RANBP2: variants seen among roughly 807,000 people sequenced by gnomAD.
RANBP2 encodes the protein RAN binding protein 2.
In RANBP2, 57 loss-of-function variants were observed where a neutral mutation model predicts 303.6. The ratio of observed to expected loss-of-function variants is 0.19; its 90% confidence interval spans 0.15 to 0.23. RANBP2 has a LOEUF of 0.23. Ranked by LOEUF, RANBP2 falls within the 10% of genes least tolerant of loss-of-function variation. The pLI, the probability that RANBP2 is intolerant of heterozygous loss-of-function variation, is 1.00. For synonymous variants in RANBP2, 1,167 were observed against 1,301.5 expected (o/e 0.90, Z 2.23); for missense variants, 3,138 against 3,780.8 (o/e 0.83, Z 4.46).
chr2:109,592,234 G>A, the RANBP2 span, among the ~76,000 whole-genome samples: 6 of 151,768 alleles, frequency 4.0e-5, no homozygotes, highest in Non-Finnish European at 5.9e-5. Flanking sequence ...GGAGGCTGAG[G>A]GAGGCAAATC....
the RANBP2 span, among the ~76,000 whole-genome samples, chr2:109,169,696 C>T: frequency 6.6e-6 from 1 of 151,700 alleles, no homozygotes; most frequent in Non-Finnish European, 1.5e-5. Flanking sequence ...TTGGCTATAT[C>T]TCTCTCTCTA....
chr2:109,256,465 C>G, the RANBP2 span, among the ~76,000 whole-genome samples: 1 of 150,638 alleles, frequency 6.6e-6, no homozygotes, highest in Non-Finnish European at 1.5e-5. Flanking sequence ...CGAGTGCTCT[C>G]TCATGGAAAC....
At chr2:108,915,143 A>T in the RANBP2 span, among the ~76,000 whole-genome samples, 11 of 152,284 alleles carry the variant, frequency 7.2e-5, no homozygotes, top group East Asian at 2.1e-3. Context: ...ACCTCAAGTG[A>T]TCCACCTGCC....
chr2:109,034,197 G>A, the RANBP2 span, among the ~76,000 whole-genome samples: 5 of 150,006 alleles, frequency 3.3e-5, no homozygotes, highest in Middle Eastern at 6.9e-3. Flanking sequence ...ACTTGAACCC[G>A]GGAGGTGGAG....
At chr2:109,018,687 C>T in the RANBP2 span, among the ~76,000 whole-genome samples, 7 of 152,250 alleles carry the variant, frequency 4.6e-5, no homozygotes, top group Admixed American at 4.6e-4. Context: ...CTGGATTACA[C>T]ATCTCCATCC....
the RANBP2 span, among the ~76,000 whole-genome samples, chr2:108,839,824 G>GT: frequency 6.2e-4 from 91 of 146,994 alleles, no homozygotes; most frequent in Admixed American, 1.1e-3. Context: ...ACAGTGTTGT[G>GT]TTTTTTTTTT....
At chr2:109,412,698 A>G in the RANBP2 span, among the ~76,000 whole-genome samples, 30 of 152,260 alleles carry the variant, frequency 2.0e-4, no homozygotes, top group Non-Finnish European at 4.3e-4. Flanking sequence ...TAACTCTGTT[A>G]TTCTTCTCAT....
the RANBP2 span, among the ~76,000 whole-genome samples, chr2:109,498,593 T>A: frequency 6.6e-6 from 1 of 152,190 alleles, no homozygotes; most frequent in Admixed American, 6.5e-5. Context: ...CAGACACCAA[T>A]GTGCAAGCAT....
the RANBP2 span, chr2:109,130,204 A>G: frequency 3.4e-6 from 4 of 1,173,524 alleles, no homozygotes; most frequent in Non-Finnish European, 4.3e-6. Context: ...GGTGCGGAGG[A>G]GACCACGGGT....
chr2:108,789,079 A>G (rs751397085), downstream of RANBP2: 32 of 950,040 alleles, frequency 3.4e-5, no homozygotes, highest in Non-Finnish European at 4.3e-5. Flanking sequence ...TATGAGGACA[A>G]GTATAAGGCA....
At chr2:109,303,758 A>G in the RANBP2 span, among the ~76,000 whole-genome samples, 23 of 152,330 alleles carry the variant, frequency 1.5e-4, no homozygotes, top group South Asian at 1.0e-3. Context: ...CATATTTTAC[A>G]TACTTAATTT....
the RANBP2 span, among the ~76,000 whole-genome samples, chr2:109,511,439 C>T: frequency 6.6e-6 from 1 of 152,228 alleles, no homozygotes; most frequent in African/African-American, 2.4e-5. Flanking sequence ...TCCAGTGTGC[C>T]TCTGGTCAGG....
At chr2:108,847,513 G>C in the RANBP2 span, among the ~76,000 whole-genome samples, 2 of 152,132 alleles carry the variant, frequency 1.3e-5, no homozygotes, top group South Asian at 2.1e-4. Context: ...CCTGCACCTA[G>C]TGTAGTGCTT....
the RANBP2 span, among the ~76,000 whole-genome samples, chr2:108,889,015 T>C: frequency 6.6e-6 from 1 of 152,108 alleles, no homozygotes; most frequent in Admixed American, 6.5e-5. Context: ...TTTTTATTTC[T>C]TTCAGTTTTT....
At chr2:109,778,566 A>C in the RANBP2 span, among the ~76,000 whole-genome samples, 2 of 149,216 alleles carry the variant, frequency 1.3e-5, no homozygotes, top group Admixed American at 1.4e-4. Flanking sequence ...TTTCAAGCCC[A>C]TTTAATATAC....
chr2:109,184,069 G>C, the RANBP2 span, among the ~76,000 whole-genome samples: 1 of 152,244 alleles, frequency 6.6e-6, no homozygotes. Context: ...CGATCTCTCT[G>C]TGAACGTGGG....
chr2:109,387,858 T>TGGG, the RANBP2 span, among the ~76,000 whole-genome samples: 17 of 147,686 alleles, frequency 1.2e-4, no homozygotes, highest in African/African-American at 4.2e-4. Flanking sequence ...CCCAGATGGT[T>TGGG]GGGGGGGGGG....
chr2:109,449,388 G>C, the RANBP2 span: 6 of 1,611,784 alleles, frequency 3.7e-6, no homozygotes, highest in Non-Finnish European at 5.1e-6. Context: ...CGTCAGTGCC[G>C]CAAACCTCAA....
At chr2:109,541,461 T>G in the RANBP2 span, among the ~76,000 whole-genome samples, 1 of 152,102 alleles carries the variant, frequency 6.6e-6, no homozygotes, top group African/African-American at 2.4e-5. Context: ...CCGGCCCAGC[T>G]CCCCCTGCCT....
Sources: allele counts gnomAD v4.1 joint callset (sites outside exome capture counted in the v4.1 genomes callset), GRCh38; gene constraint gnomAD v4.1.1; transcripts MANE v1.5; gene names NCBI Gene and HGNC (gene_info 2026-07-23, HGNC 2026-07-21).